Variants in SAMD4A observed in about 807,000 individuals in gnomAD.
The protein encoded by SAMD4A is protein Smaug homolog 1.
Under a neutral mutation model 81.3 loss-of-function variants are expected in SAMD4A, and 33 were observed. The observed-to-expected ratio is 0.41, with a 90% CI of 0.31 to 0.54. The LOEUF is 0.54. Ranked by LOEUF, SAMD4A falls within the 20% of genes least tolerant of loss-of-function variation. The pLI is 0.37. For missense variants in SAMD4A, 854 were observed against 951.1 expected, an observed-to-expected ratio of 0.90 and a Z score of 1.34; for synonymous variants, 389 against 382.1, an observed-to-expected ratio of 1.02 and a Z score of -0.21.
At chr14:54,630,368 AG>A (rs1368357590) in intron 2 of SAMD4A, among the ~76,000 whole-genome samples, 1 of 152,178 alleles carries the variant, frequency 6.6e-6, no homozygotes, top group African/African-American at 2.4e-5. Flanking sequence ...TTTTAATAGT[AG>A]CCATCCCAAT....
At chr14:54,605,173 T>G (rs2034165732) in intron 2 of SAMD4A, among the ~76,000 whole-genome samples, 1 of 152,174 alleles carries the variant, frequency 6.6e-6, no homozygotes, top group African/African-American at 2.4e-5. Flanking sequence ...CGGGGGTAGC[T>G]TCCCTGAGCA....
chr14:54,634,715 ATCTATCTGTCTGTCTGTCTG>A (rs976000152), intron 2 of SAMD4A, among the ~76,000 whole-genome samples: 3 of 123,500 alleles, frequency 2.4e-5, no homozygotes, highest in Non-Finnish European at 3.4e-5. Context: ...CTATCTATCT[ATCTATCTGTCTGTCTGTCTG>A]TCTGTCTGTC....
chr14:54,633,713 T>C (rs971352164), intron 2 of SAMD4A, among the ~76,000 whole-genome samples: 8 of 152,074 alleles, frequency 5.3e-5, no homozygotes, highest in Non-Finnish European at 8.8e-5. Flanking sequence ...GCTCTGTCAT[T>C]TACTAGAGGT....
chr14:54,661,933 C>A (rs1484017462), intron 2 of SAMD4A, among the ~76,000 whole-genome samples: 1 of 149,572 alleles, frequency 6.7e-6, no homozygotes, highest in Non-Finnish European at 1.5e-5. Context: ...GCTTTATCCA[C>A]TATCTGGAAA....
chr14:54,679,502 GT>G (rs1205043812), intron 2 of SAMD4A, among the ~76,000 whole-genome samples: 3 of 152,172 alleles, frequency 2.0e-5, no homozygotes, highest in African/African-American at 7.2e-5. Flanking sequence ...CAAAGACCAA[GT>G]TTCCATGGCT....
At chr14:54,599,125 C>T (rs2033988613) in intron 2 of SAMD4A, among the ~76,000 whole-genome samples, 1 of 152,178 alleles carries the variant, frequency 6.6e-6, no homozygotes, top group Non-Finnish European at 1.5e-5. Context: ...TGGCCCTGTC[C>T]TTATTTCTTT....
At chr14:54,726,191 A>G (rs2037411597) in intron 3 of SAMD4A, among the ~76,000 whole-genome samples, 1 of 152,112 alleles carries the variant, frequency 6.6e-6, no homozygotes, top group South Asian at 2.1e-4. Context: ...TCACATTCAA[A>G]TGGGGCCTGA....
rs745701878 is a variant in SAMD4A, at chr14:54,567,546, A to G, written c.-371A>G. 3 of 249,174 alleles carry G rather than the reference A, an allele frequency of 1.2e-5. No individual in the cohort carries two copies. The highest frequency in any genetic ancestry group is 2.3e-5 in the Non-Finnish European group (3 of 129,152). The allele number at this position is 249,174 out of a possible 1,614,324, so 15.4% of individuals were successfully genotyped here. The stretch of plus-strand genomic sequence containing the variant: ...GCGTGAAGGGTCCGAGTTGCCGCCC[A>G]GCGGGGAGGAGACCCCAGGACGCCG... On this transcript the variant is annotated 5_prime_UTR_variant, in exon 2 of 13. Coordinates refer to ENST00000554335, the MANE Select transcript of SAMD4A (RefSeq NM_015589.6).
At chr14:54,566,492 G>A (rs2032938315), upstream of SAMD4A, among the ~76,000 whole-genome samples, 1 of 151,772 alleles carries the variant, frequency 6.6e-6, no homozygotes, top group Admixed American at 6.6e-5. Flanking sequence ...GCGGCCACGA[G>A]AACCGGGATG....
chr14:54,565,949 C>G (rs1486252668), upstream of SAMD4A, among the ~76,000 whole-genome samples: 1 of 151,954 alleles, frequency 6.6e-6, no homozygotes, highest in Admixed American at 6.5e-5. This position sits in a 1 kb window ranked among gnomAD's most constrained non-coding sequence, Gnocchi z 5.4. Context: ...TCCGTCCCCC[C>G]GCCCTGCGCC....
chr14:54,730,061 G>T (rs1266504037), intron 3 of SAMD4A, among the ~76,000 whole-genome samples: 1 of 152,140 alleles, frequency 6.6e-6, no homozygotes, highest in Non-Finnish European at 1.5e-5. Context: ...ATAAAAGTCT[G>T]CCAGAAGCAT....
chr14:54,576,371 A>G (rs2140128290), intron 2 of SAMD4A, among the ~76,000 whole-genome samples: 1 of 152,338 alleles, frequency 6.6e-6, no homozygotes, highest in African/African-American at 2.4e-5. Context: ...AATGGGAGAA[A>G]CAAACTGTCT....
chr14:54,642,819 G>A (rs768450039), intron 2 of SAMD4A, among the ~76,000 whole-genome samples: 4 of 152,180 alleles, frequency 2.6e-5, no homozygotes, highest in South Asian at 2.1e-4. Flanking sequence ...CCCTGCATGC[G>A]TGAACATGGT....
chr14:54,689,146 G>T (rs906122722), intron 2 of SAMD4A, among the ~76,000 whole-genome samples: 1 of 152,000 alleles, frequency 6.6e-6, no homozygotes, highest in Non-Finnish European at 1.5e-5. Context: ...TGGCCAGGCT[G>T]GTCTCAAACT....
chr14:54,623,851 T>G (rs1337064879), intron 2 of SAMD4A, among the ~76,000 whole-genome samples: 1 of 152,238 alleles, frequency 6.6e-6, no homozygotes, highest in East Asian at 1.9e-4. Flanking sequence ...CCAGGGCCCC[T>G]TCTCCTCTAA....
At chr14:54,749,135 A>G (rs1395762689) in intron 5 of SAMD4A, among the ~76,000 whole-genome samples, 1 of 152,188 alleles carries the variant, frequency 6.6e-6, no homozygotes, top group Non-Finnish European at 1.5e-5. Context: ...AGACAAGCAG[A>G]TAACTGCAGG....
At chr14:54,700,431 CT>C (rs1351176119) in intron 2 of SAMD4A, among the ~76,000 whole-genome samples, 4 of 152,176 alleles carry the variant, frequency 2.6e-5, no homozygotes, top group African/African-American at 9.7e-5. Context: ...TTGAAATATT[CT>C]TTCCCATAGT....
At chr14:54,746,216 C>T (rs1431694715) in intron 4 of SAMD4A, among the ~76,000 whole-genome samples, 1 of 152,224 alleles carries the variant, frequency 6.6e-6, no homozygotes, top group East Asian at 1.9e-4. Flanking sequence ...TTCTTAAGAA[C>T]TGGGATTTCC....
chr14:54,656,690 C>T (rs575049535), intron 2 of SAMD4A, among the ~76,000 whole-genome samples: 32 of 152,136 alleles, frequency 2.1e-4, no homozygotes, highest in Non-Finnish European at 3.2e-4. Flanking sequence ...GGCAGTGGCG[C>T]GATCTCGGCT....
Sources: gnomAD v4.1 joint callset for allele counts (sites outside exome capture counted in the v4.1 genomes callset) on GRCh38, gnomAD v4.1.1 for gene constraint, Gnocchi (gnomAD v3.1) non-coding constraint, MANE v1.5 for transcripts, NCBI Gene and HGNC (gene_info 2026-07-23, HGNC 2026-07-21) for gene names.